The following FHAD1 variants were observed in gnomAD, a reference collection of about 807,000 sequenced individuals.
FHAD1 encodes the protein forkhead associated phosphopeptide binding domain 1.
FHAD1 carries 146 observed loss-of-function variants against 191.3 expected under a neutral mutation model. The observed-to-expected ratio is 0.76, with a 90% confidence interval of 0.67 to 0.88. FHAD1 has a LOEUF of 0.88. Among genes scored for constraint, FHAD1 ranks in the 40% least tolerant of loss-of-function variants. FHAD1 has a pLI of 0.00. For synonymous variants in FHAD1, 616 were observed against 672.3 expected, an observed-to-expected ratio of 0.92 and a Z score of 1.29; for missense variants, 1,635 against 1,785.8, an observed-to-expected ratio of 0.92 and a Z score of 1.52.
intron 1 of FHAD1, among the ~76,000 whole-genome samples, chr1:15,240,311 T>A (rs1201889045): frequency 6.6e-6 from 1 of 152,078 alleles, no homozygotes; most frequent in Non-Finnish European, 1.5e-5. Context: ...AAAAAACGAA[T>A]CTTACCAATA....
intron 1 of FHAD1, among the ~76,000 whole-genome samples, chr1:15,249,316 C>T (rs1752011): frequency 0.29 from 43,764 of 150,490 alleles, 7,386 homozygotes; most frequent in Non-Finnish European, 0.39. Context: ...GCCAGTCATT[C>T]AGATTTGGGG....
chr1:15,355,593 G>T (rs1692450509), intron 20 of FHAD1, among the ~76,000 whole-genome samples: 1 of 152,182 alleles, frequency 6.6e-6, no homozygotes, highest in Non-Finnish European at 1.5e-5. Context: ...GCTCTTCAAA[G>T]AAACAATTGC....
At chr1:15,244,846 G>A (rs889880898), upstream of FHAD1, among the ~76,000 whole-genome samples, 1 of 152,190 alleles carries the variant, frequency 6.6e-6, no homozygotes, top group African/African-American at 2.4e-5. This position sits in a 1 kb window ranked among gnomAD's most constrained non-coding sequence, Gnocchi z 5.1. Flanking sequence ...CATTTGTGTT[G>A]CTATCAAGTA....
At chr1:15,257,151 C>A (rs781080282) in intron 2 of FHAD1, among the ~76,000 whole-genome samples, 21 of 152,218 alleles carry the variant, frequency 1.4e-4, no homozygotes, top group Non-Finnish European at 2.9e-4. Flanking sequence ...CACGGACGTG[C>A]GAGTCCATGT....
intron 2 of FHAD1, among the ~76,000 whole-genome samples, chr1:15,261,084 G>A (rs1445902213): frequency 6.6e-6 from 1 of 152,200 alleles, no homozygotes; most frequent in Non-Finnish European, 1.5e-5. Flanking sequence ...AAAGATGGTG[G>A]ATGAGCCAAG....
At chr1:15,240,299 CA>C (rs34952239) in intron 1 of FHAD1, among the ~76,000 whole-genome samples, 1 of 151,972 alleles carries the variant, frequency 6.6e-6, no homozygotes, top group Non-Finnish European at 1.5e-5. Context: ...CTGATACCCT[CA>C]AAAAAACGAA....
chr1:15,392,752 A>G (rs1026016140), intron 33 of FHAD1, among the ~76,000 whole-genome samples: 1 of 152,192 alleles, frequency 6.6e-6, no homozygotes, highest in Non-Finnish European at 1.5e-5. Context: ...TCAAGGCCCT[A>G]CGGGTTTTTG....
At chr1:15,369,971 TATTC>T (rs1257490459) in intron 26 of FHAD1, among the ~76,000 whole-genome samples, 1 of 152,198 alleles carries the variant, frequency 6.6e-6, no homozygotes, top group Non-Finnish European at 1.5e-5. Flanking sequence ...TATATTTATT[TATTC>T]ATTCATTCAT....
intron 28 of FHAD1, among the ~76,000 whole-genome samples, chr1:15,379,917 A>G (rs1257258490): frequency 6.6e-6 from 1 of 152,168 alleles, no homozygotes; most frequent in Non-Finnish European, 1.5e-5. Context: ...GGAGTCTCCC[A>G]TGTCTACTTC....
At chr1:15,320,054 G>A (rs149847169) in intron 10 of FHAD1, among the ~76,000 whole-genome samples, 60 of 152,228 alleles carry the variant, frequency 3.9e-4, no homozygotes, top group African/African-American at 1.1e-3. Flanking sequence ...TAGTATTTTC[G>A]TTATTATTCA....
chr1:15,280,869 G>T (rs942481071), intron 3 of FHAD1, among the ~76,000 whole-genome samples: 4 of 152,208 alleles, frequency 2.6e-5, no homozygotes, highest in African/African-American at 7.2e-5. Flanking sequence ...GGTTTACAAA[G>T]ATGGAAAGTA....
chr1:15,295,727 C>T (rs1666737437), intron 4 of FHAD1, among the ~76,000 whole-genome samples: 1 of 152,128 alleles, frequency 6.6e-6, no homozygotes, highest in African/African-American at 2.4e-5. Flanking sequence ...ATATGGGGGG[C>T]CAGCTGTATC....
chr1:15,384,979 A>G (rs6689592), intron 31 of FHAD1, among the ~76,000 whole-genome samples: 17,781 of 150,642 alleles, frequency 0.12, 2,533 homozygotes, highest in African/African-American at 0.34. Flanking sequence ...CAGCCCATCC[A>G]CTCATCCCCC....
intron 1 of FHAD1, among the ~76,000 whole-genome samples, chr1:15,236,992 C>T (rs866712243): frequency 5.9e-5 from 9 of 152,238 alleles, no homozygotes; most frequent in South Asian, 2.1e-4. Flanking sequence ...GGGCTTTCCC[C>T]TTTTGCTTGG....
chr1:15,369,421 G>T lies in FHAD1; in HGVS notation c.3366G>T (p.Lys1122Asn). 6.4e-7 allele frequency: 1 copy of T among 1,551,886 alleles called. No homozygotes were observed. Among genetic ancestry groups the T allele is most frequent in the Non-Finnish European group, 8.7e-7 (1 of 1,147,032 alleles). Residue 1122 changes from lysine (K) to asparagine (N), a missense_variant, in exon 26 of 34, where the codon AAG (lysine) becomes AAT (asparagine). Lys to Asn is a moderately conservative substitution (Grantham distance 94). Transcript: ENST00000688493. ...AGCTGAACACAGAGAAGGAACAGAA[G>T]CCCCGGAAGAAGACCCAGACGTGTG... ...RLQLNTEKEQ[K>N]PRKKTQTCDT...
chr1:15,362,503 G>T, intron 22 of FHAD1, 139 bp from the exon 23 acceptor site: 1 of 679,704 alleles, frequency 1.5e-6, no homozygotes, highest in Non-Finnish European at 2.6e-6. Context: ...CTGTGACATG[G>T]CACACGTGCA....
At chr1:15,299,054 GC>G (rs1474974666) in intron 5 of FHAD1, among the ~76,000 whole-genome samples, 1 of 150,980 alleles carries the variant, frequency 6.6e-6, no homozygotes, top group Non-Finnish European at 1.5e-5. Context: ...AAAAAAACGA[GC>G]CACCCATAGT....
intron 20 of FHAD1, chr1:15,357,807 C>T (rs570230066): frequency 1.3e-5 from 3 of 236,772 alleles, no homozygotes; most frequent in Non-Finnish European, 2.4e-5. Context: ...GACATGACAG[C>T]CCTCCTCAAA....
At chr1:15,277,798 A>C (rs1200386961) in intron 3 of FHAD1, among the ~76,000 whole-genome samples, 1 of 152,174 alleles carries the variant, frequency 6.6e-6, no homozygotes, top group Non-Finnish European at 1.5e-5. Flanking sequence ...AAGTTCCTGG[A>C]CAAACTCAGT....
Sources: allele counts gnomAD v4.1 joint callset (sites outside exome capture counted in the v4.1 genomes callset), GRCh38; gene constraint gnomAD v4.1.1; non-coding constraint Gnocchi (gnomAD v3.1); transcripts MANE v1.5; gene names NCBI Gene and HGNC (gene_info 2026-07-23, HGNC 2026-07-21).